The following CDIN1 variants were observed in gnomAD, a reference collection of about 807,000 sequenced individuals.
CDIN1 encodes the protein CDAN1 interacting nuclease 1.
In CDIN1, 33 loss-of-function variants were observed where a neutral mutation model predicts 45.3. That is an observed-to-expected ratio of 0.73 (90% confidence interval 0.55 to 0.97). The LOEUF (loss-of-function observed/expected upper bound fraction) is 0.97. Among genes scored for constraint, CDIN1 ranks in the 50% least tolerant of loss-of-function variants. CDIN1 has a pLI of 0.00. For missense variants in CDIN1, 303 were observed against 339.4 expected, an observed-to-expected ratio of 0.89 and a Z score of 0.84; for synonymous variants, 118 against 124.4, an observed-to-expected ratio of 0.95 and a Z score of 0.34.
At chr15:36,729,732 A>G (rs1008047471) in intron 10 of CDIN1, among the ~76,000 whole-genome samples, 1 of 151,948 alleles carries the variant, frequency 6.6e-6, no homozygotes, top group Non-Finnish European at 1.5e-5. Flanking sequence ...TTCCCCCACT[A>G]TTTTTCTAAG....
intron 1 of CDIN1, among the ~76,000 whole-genome samples, chr15:36,611,145 G>A (rs74008672): frequency 6.6e-6 from 1 of 152,108 alleles, no homozygotes; most frequent in Non-Finnish European, 1.5e-5. Flanking sequence ...GGAGGCCTTA[G>A]CACTTCTTGG....
chr15:36,781,678 T>G (rs1219077831), intron 10 of CDIN1, among the ~76,000 whole-genome samples: 1 of 152,220 alleles, frequency 6.6e-6, no homozygotes, highest in Non-Finnish European at 1.5e-5. Flanking sequence ...CTAGAGTACA[T>G]GCACGAAATT....
intron 1 of CDIN1, chr15:36,617,695 T>A: frequency 1.3e-6 from 1 of 773,236 alleles, no homozygotes; most frequent in Non-Finnish European, 2.4e-6. Context: ...ATTGTGATTC[T>A]TAGAGAGATT....
chr15:36,588,601 T>C (rs145522902), intron 1 of CDIN1, among the ~76,000 whole-genome samples: 2,033 of 152,304 alleles, frequency 0.013, 46 homozygotes, highest in African/African-American at 0.046. Flanking sequence ...GTATTAATCA[T>C]TGGACTAGGT....
At chr15:36,749,548 T>C (rs2053401936) in intron 10 of CDIN1, among the ~76,000 whole-genome samples, 1 of 152,206 alleles carries the variant, frequency 6.6e-6, no homozygotes, top group Non-Finnish European at 1.5e-5. Flanking sequence ...AATGCTGTCT[T>C]ATGAAGTCTG....
intron 1 of CDIN1, chr15:36,641,043 T>C (rs917179589): frequency 6.6e-6 from 1 of 152,156 alleles, no homozygotes; most frequent in South Asian, 2.1e-4. Context: ...GGGAAGCCAA[T>C]TATAGCCATC....
chr15:36,777,085 A>C (rs187926767), intron 10 of CDIN1, among the ~76,000 whole-genome samples: 357 of 152,278 alleles, frequency 2.3e-3, no homozygotes, highest in Non-Finnish European at 4.4e-3. Context: ...AAAAATACTT[A>C]TCAGTAGGGA....
At chr15:36,587,450 T>C (rs2037358253) in intron 1 of CDIN1, among the ~76,000 whole-genome samples, 1 of 152,042 alleles carries the variant, frequency 6.6e-6, no homozygotes. Flanking sequence ...TATTGTGCTG[T>C]GTACAGTGTT....
chr15:36,636,139 G>A (rs2039888482), intron 1 of CDIN1, among the ~76,000 whole-genome samples: 1 of 152,108 alleles, frequency 6.6e-6, no homozygotes, highest in African/African-American at 2.4e-5. Flanking sequence ...CTCATAAAAA[G>A]CAAAGTTAAA....
intron 3 of CDIN1, among the ~76,000 whole-genome samples, chr15:36,648,085 C>T (rs917014577): frequency 1.3e-5 from 2 of 152,108 alleles, no homozygotes; most frequent in East Asian, 3.9e-4. Context: ...GTGATCCGGC[C>T]GCCTCGGCCT....
At chr15:36,647,267 C>T (rs1190798980) in intron 3 of CDIN1, among the ~76,000 whole-genome samples, 6 of 152,086 alleles carry the variant, frequency 3.9e-5, no homozygotes, top group African/African-American at 1.2e-4. Flanking sequence ...CTCAAGTAAT[C>T]TCCCACCTCA....
chr15:36,692,152 A>AC lies in CDIN1; in HGVS notation c.455dup (p.Leu153ThrfsTer12). ...GCATTGTGAACGACTGCTGTTACGG[A>AC]CCACTAGTGGACTGCATCAAGCAGT... is the stretch of plus-strand genomic sequence containing the variant. On this transcript the variant is annotated frameshift_variant, in exon 7 of 11. Coordinates refer to ENST00000566621, the MANE Select transcript of CDIN1 (RefSeq NM_001321759.2). LOFTEE classifies it high-confidence loss of function. 1.2e-6 allele frequency: 2 copies of AC among 1,613,730 alleles called. No individual in the cohort carries two copies. Among genetic ancestry groups the AC allele is most frequent in the Non-Finnish European group, 1.7e-6 (2 of 1,179,814 alleles).
intron 1 of CDIN1, among the ~76,000 whole-genome samples, chr15:36,621,315 T>C (rs549734135): frequency 6.6e-6 from 1 of 152,340 alleles, no homozygotes; most frequent in South Asian, 2.1e-4. Flanking sequence ...AACTCTAAGT[T>C]AAGCTTTGGA....
chr15:36,656,595 A>G (rs1484728816), intron 4 of CDIN1, among the ~76,000 whole-genome samples: 1 of 152,124 alleles, frequency 6.6e-6, no homozygotes, highest in African/African-American at 2.4e-5. Context: ...TCAGAGAAAG[A>G]TGGACACATG....
chr15:36,730,462 A>G (rs1390688811), intron 10 of CDIN1, among the ~76,000 whole-genome samples: 1 of 152,178 alleles, frequency 6.6e-6, no homozygotes, highest in Non-Finnish European at 1.5e-5. Flanking sequence ...ATTTGTCTTT[A>G]TAATTTCAAT....
At chr15:36,675,246 T>A (rs1488712525) in intron 5 of CDIN1, among the ~76,000 whole-genome samples, 1 of 152,162 alleles carries the variant, frequency 6.6e-6, no homozygotes. Context: ...TCTTTTAATT[T>A]ACACTTAATT....
chr15:36,675,021 T>C (rs902954065), intron 5 of CDIN1, among the ~76,000 whole-genome samples: 1 of 151,946 alleles, frequency 6.6e-6, no homozygotes, highest in Non-Finnish European at 1.5e-5. Flanking sequence ...CATCAACCCT[T>C]TTTCCCCTCA....
chr15:36,730,092 T>G (rs1048134944), intron 10 of CDIN1, among the ~76,000 whole-genome samples: 1 of 152,204 alleles, frequency 6.6e-6, no homozygotes, highest in Non-Finnish European at 1.5e-5. Flanking sequence ...TATAAATACA[T>G]TGACCTATTC....
chr15:36,651,937 C>G (rs1370352189), intron 3 of CDIN1, among the ~76,000 whole-genome samples: 1 of 152,172 alleles, frequency 6.6e-6, no homozygotes, highest in African/African-American at 2.4e-5. Flanking sequence ...TGGTCATTAG[C>G]AGGATAATGA....
Sources: allele counts gnomAD v4.1 joint callset (sites outside exome capture counted in the v4.1 genomes callset), GRCh38; gene constraint gnomAD v4.1.1; transcripts MANE v1.5; gene names NCBI Gene and HGNC (gene_info 2026-07-23, HGNC 2026-07-21).